Variants in ATAD2 observed in about 807,000 individuals in gnomAD.
The protein encoded by ATAD2 is ATPase family AAA domain-containing protein 2.
A neutral mutation model predicts 168.9 loss-of-function variants in ATAD2; 62 were observed. That is an observed-to-expected ratio of 0.37 (90% CI 0.30 to 0.45). ATAD2 has a LOEUF of 0.45. Ranked by LOEUF, ATAD2 falls within the 20% of genes least tolerant of loss-of-function variation. The pLI is 1.00. For missense variants in ATAD2, 1,419 were observed against 1,667.8 expected (o/e 0.85, Z 2.60); for synonymous variants, 613 against 571.6 (o/e 1.07, Z -1.03).
chr8:123,415,774 T>C (rs1813256624), intron 1 of ATAD2, among the ~76,000 whole-genome samples: 1 of 152,088 alleles, frequency 6.6e-6, no homozygotes, highest in Admixed American at 6.6e-5. Context: ...TTTGTATTTT[T>C]AGTAGAGACG....
intron 8 of ATAD2, among the ~76,000 whole-genome samples, chr8:123,368,128 A>C (rs560935833): frequency 1.3e-5 from 2 of 152,216 alleles, no homozygotes; most frequent in African/African-American, 2.4e-5. Context: ...ATCAAGAATT[A>C]TCTCTTTGAC....
intron 2 of ATAD2, among the ~76,000 whole-genome samples, chr8:123,375,448 T>C (rs1352960854): frequency 6.6e-6 from 1 of 152,222 alleles, no homozygotes; most frequent in African/African-American, 2.4e-5. Context: ...GTAAATGTTT[T>C]GGAAAAGTAT....
chr8:123,362,176 C>G (rs1343561905), intron 8 of ATAD2, among the ~76,000 whole-genome samples: 5 of 151,840 alleles, frequency 3.3e-5, no homozygotes, highest in Non-Finnish European at 5.9e-5. Context: ...ATCTGTTGTC[C>G]CAGATACTCA....
intron 2 of ATAD2, among the ~76,000 whole-genome samples, chr8:123,374,224 G>A (rs1326261039): frequency 6.6e-6 from 1 of 152,022 alleles, no homozygotes; most frequent in African/African-American, 2.4e-5. Context: ...AACCAGTCAG[G>A]TGCCTGTAGT....
Position 123,349,300 on chromosome 8 carries a change from G to T in ATAD2, c.1791C>A (p.Ser597Arg), listed in dbSNP as rs1586872748. The T allele has an allele frequency of 8.7e-6, 14 of 1,613,426 alleles. No individual in the cohort carries two copies. The highest frequency in any genetic ancestry group is 1.2e-5 in the Non-Finnish European group (14 of 1,179,912). The stretch of plus-strand genomic sequence containing the variant: ...AAATTCTTACCTCTTTATCAGGCAG[G>T]CTAAAGAGGAATTCTCTATCAAAGC... Reference protein sequence around the residue: ...PGRFDREFLFSLPDKEARKEI... With the variant: ...PGRFDREFLFRLPDKEARKEI... The change falls in exon 14 of 28, where the codon AGC (serine) becomes AGA (arginine). Residue 597 changes from serine (S) to arginine (R), a missense_variant. By Grantham distance (110) the Ser-to-Arg change is moderately radical (BLOSUM62 -1). Transcript: ENST00000287394.
rs745515045 is a variant in ATAD2, at chr8:123,323,023, A to G, written c.4046T>C (p.Ile1349Thr). The change falls in exon 27 of 28, where the codon ATA (isoleucine) becomes ACA (threonine). Residue 1349 changes from isoleucine (I) to threonine (T), a missense_variant. By Grantham distance (89) the Ile-to-Thr change is moderately conservative. Coordinates refer to ENST00000287394, the MANE Select transcript of ATAD2 (RefSeq NM_014109.4). ...TGCATACAAATTTTCCAACTGAAAT[A>G]TGTTGTAGTTTTGACTTTTTTTAAC... is the stretch of plus-strand genomic sequence containing the variant. ...TVVKKSQNYNIFQLENLYAVI... is the reference protein window; with the variant it reads ...TVVKKSQNYNTFQLENLYAVI... 5.0e-6 allele frequency: 8 copies of G among 1,612,254 alleles called. No homozygotes were observed. Among genetic ancestry groups the G allele is most frequent in the Non-Finnish European group, 6.8e-6 (8 of 1,178,452 alleles).
chr8:123,337,910 G>A, intron 20 of ATAD2, 89 bp from the exon 21 acceptor site: 1 of 1,256,292 alleles, frequency 8.0e-7, no homozygotes, highest in East Asian at 2.5e-5. Context: ...AGGATTTGAG[G>A]GATTATCTTC....
intron 1 of ATAD2, among the ~76,000 whole-genome samples, chr8:123,413,634 C>G (rs556263680): frequency 4.6e-5 from 7 of 152,240 alleles, no homozygotes; most frequent in African/African-American, 1.7e-4. Flanking sequence ...CCTCTCAGGG[C>G]AAGACCCATG....
At chr8:123,409,014 G>A (rs1813111238) in intron 1 of ATAD2, among the ~76,000 whole-genome samples, 1 of 151,362 alleles carries the variant, frequency 6.6e-6, no homozygotes, top group Non-Finnish European at 1.5e-5. Context: ...TTTTAGTAGA[G>A]ACGGGGTTTT....
At chr8:123,382,010 C>A (rs925451536) in intron 1 of ATAD2, among the ~76,000 whole-genome samples, 1 of 152,172 alleles carries the variant, frequency 6.6e-6, no homozygotes, top group Non-Finnish European at 1.5e-5. Context: ...CGTGCCACTG[C>A]ACTCCAGCCT....
At chr8:123,323,325 C>CATCTA (rs1827525559) in intron 26 of ATAD2, among the ~76,000 whole-genome samples, 1 of 152,120 alleles carries the variant, frequency 6.6e-6, no homozygotes, top group African/African-American at 2.4e-5. Context: ...TAGCCATAAG[C>CATCTA]ATCTACAAAC....
chr8:123,381,844 C>T (rs968291155), intron 1 of ATAD2, among the ~76,000 whole-genome samples: 1 of 152,136 alleles, frequency 6.6e-6, no homozygotes, highest in African/African-American at 2.4e-5. Flanking sequence ...AGCTTGAGAC[C>T]AGCCTGGCCA....
chr8:123,369,851 C>T lies in ATAD2; in HGVS notation c.901G>A (p.Ala301Thr), dbSNP rs775631898. The change falls in exon 7 of 28, where the codon GCT (alanine) becomes ACT (threonine). Residue 301 changes from alanine (A) to threonine (T), a missense_variant. By Grantham distance (58) the Ala-to-Thr change is moderately conservative. Coordinates refer to ENST00000287394, the MANE Select transcript of ATAD2 (RefSeq NM_014109.4). ...AATGGAGCCTGATAGTAAACAGTAG[C>T]TTTTCTCTGTCTAAGATAATATCGC... is the stretch of plus-strand genomic sequence containing the variant. ...QKRYYLRQRK[A>T]TVYYQAPLEK... 6.2e-7 allele frequency: 1 copy of T among 1,612,062 alleles called. No individual in the cohort carries two copies. Among genetic ancestry groups the T allele is most frequent in the South Asian group, 1.1e-5 (1 of 91,024 alleles).
intron 1 of ATAD2, among the ~76,000 whole-genome samples, chr8:123,387,836 C>T (rs1829687813): frequency 2.0e-5 from 3 of 152,130 alleles, no homozygotes; most frequent in Non-Finnish European, 4.4e-5. Flanking sequence ...CAAGCTTATT[C>T]AAGCTTTAAA....
At chr8:123,376,301 G>A (rs904914500) in intron 2 of ATAD2, among the ~76,000 whole-genome samples, 7 of 151,964 alleles carry the variant, frequency 4.6e-5, no homozygotes, top group African/African-American at 1.5e-4. Context: ...AGCTACTTGG[G>A]AGGCTGGGGG....
intron 20 of ATAD2, among the ~76,000 whole-genome samples, chr8:123,338,925 T>C (rs1423316945): frequency 2.0e-5 from 3 of 152,046 alleles, no homozygotes; most frequent in Admixed American, 1.3e-4. Context: ...AGTAGTTCTT[T>C]AGACAGAGAT....
intron 14 of ATAD2, 85 bp downstream of exon 14, chr8:123,349,200 A>G: frequency 7.3e-7 from 1 of 1,378,016 alleles, no homozygotes; most frequent in Admixed American, 2.4e-5. Flanking sequence ...AAACTCAAGA[A>G]TCTCCAAATT....
intron 3 of ATAD2, 88 bp downstream of exon 3, chr8:123,372,549 T>A: frequency 9.9e-7 from 1 of 1,006,394 alleles, no homozygotes; most frequent in Non-Finnish European, 1.4e-6. Flanking sequence ...TTTAAACATG[T>A]AAAATTTATT....
chr8:123,400,630 A>G, upstream of ATAD2: 1 of 652,094 alleles, frequency 1.5e-6, no homozygotes, highest in Non-Finnish European at 2.8e-6. This position sits in a 1 kb window ranked among gnomAD's most constrained non-coding sequence, Gnocchi z 4.5. Context: ...GGACGGGCTC[A>G]CCACGCAGCA....
Sources: gnomAD v4.1 joint callset for allele counts (sites outside exome capture counted in the v4.1 genomes callset) on GRCh38, gnomAD v4.1.1 for gene constraint, Gnocchi (gnomAD v3.1) non-coding constraint, MANE v1.5 for transcripts, NCBI Gene and HGNC (gene_info 2026-07-23, HGNC 2026-07-21) for gene names.